Variants in DRC8 observed in about 807,000 individuals in gnomAD.
The protein encoded by DRC8 is dynein regulatory complex subunit 8.
the DRC8 span, among the ~76,000 whole-genome samples, chr1:245,072,328 C>T: frequency 6.6e-6 from 1 of 152,064 alleles, no homozygotes; most frequent in African/African-American, 2.4e-5. Context: ...ACTCTGTCAC[C>T]CAGGCTGGAG....
chr1:244,972,524 A>G, the DRC8 span, among the ~76,000 whole-genome samples: 2 of 152,198 alleles, frequency 1.3e-5, no homozygotes, highest in East Asian at 1.9e-4. Context: ...TTGTATGTAC[A>G]TTAACTTTCG....
chr1:245,066,763 C>T, the DRC8 span, among the ~76,000 whole-genome samples: 6 of 151,944 alleles, frequency 3.9e-5, no homozygotes, highest in South Asian at 2.1e-4. Flanking sequence ...AAAAATTAGC[C>T]GGGCTTGGTG....
At chr1:245,023,941 G>A in the DRC8 span, among the ~76,000 whole-genome samples, 7 of 152,072 alleles carry the variant, frequency 4.6e-5, no homozygotes, top group Non-Finnish European at 8.8e-5. Flanking sequence ...AGGCCGAGGT[G>A]GGCAGATCAC....
chr1:244,986,385 T>G, the DRC8 span, among the ~76,000 whole-genome samples: 1 of 151,908 alleles, frequency 6.6e-6, no homozygotes, highest in Non-Finnish European at 1.5e-5. Flanking sequence ...ATTAGAGGAG[T>G]TGCACGAGGC....
chr1:244,990,423 C>T, the DRC8 span, among the ~76,000 whole-genome samples: 5 of 152,148 alleles, frequency 3.3e-5, no homozygotes, highest in Non-Finnish European at 5.9e-5. Context: ...GTTTTAGGCA[C>T]CCACTGCAGG....
the DRC8 span, among the ~76,000 whole-genome samples, chr1:245,065,665 C>G: frequency 6.6e-6 from 1 of 152,054 alleles, no homozygotes; most frequent in Non-Finnish European, 1.5e-5. Flanking sequence ...GTCTGATAAA[C>G]CTTGGCTGTC....
At chr1:245,114,185 C>T in the DRC8 span, among the ~76,000 whole-genome samples, 1 of 152,140 alleles carries the variant, frequency 6.6e-6, no homozygotes, top group Admixed American at 6.5e-5. Flanking sequence ...TCTGCCTGGG[C>T]CGGGTGTGGT....
chr1:245,061,181 C>T, the DRC8 span, among the ~76,000 whole-genome samples: 10 of 152,174 alleles, frequency 6.6e-5, no homozygotes, highest in Admixed American at 1.3e-4. Context: ...TTCAAAGCTT[C>T]GTTTCACATC....
At chr1:244,971,362 C>T in the DRC8 span, among the ~76,000 whole-genome samples, 2 of 152,194 alleles carry the variant, frequency 1.3e-5, no homozygotes, top group Non-Finnish European at 2.9e-5. Flanking sequence ...GACTGCGCTT[C>T]GAGGCTTAAG....
chr1:245,090,868 A>G, the DRC8 span, among the ~76,000 whole-genome samples: 1 of 152,098 alleles, frequency 6.6e-6, no homozygotes, highest in Non-Finnish European at 1.5e-5. Context: ...TCCAGTTTAG[A>G]TGATTAATAT....
At chr1:245,074,050 C>T in the DRC8 span, among the ~76,000 whole-genome samples, 4 of 152,132 alleles carry the variant, frequency 2.6e-5, no homozygotes, top group Admixed American at 6.5e-5. Context: ...TTTAAATTAA[C>T]GTCGTTACAT....
the DRC8 span, among the ~76,000 whole-genome samples, chr1:245,022,713 G>C: frequency 6.6e-6 from 1 of 151,996 alleles, no homozygotes; most frequent in Non-Finnish European, 1.5e-5. Context: ...ATGTGCATGT[G>C]CGTGTGCGTG....
the DRC8 span, among the ~76,000 whole-genome samples, chr1:245,009,470 A>AT: frequency 0.74 from 102,727 of 139,662 alleles, 37,575 homozygotes; most frequent in East Asian, 0.98. Context: ...AATCCAAACG[A>AT]TTTTTTTTTT....
the DRC8 span, among the ~76,000 whole-genome samples, chr1:245,111,751 T>G: frequency 1.3e-5 from 2 of 152,080 alleles, no homozygotes; most frequent in African/African-American, 4.8e-5. Context: ...ATCAGATAAC[T>G]GGGGTGGGAC....
chr1:245,103,948 C>T, the DRC8 span, among the ~76,000 whole-genome samples: 1 of 152,140 alleles, frequency 6.6e-6, no homozygotes, highest in African/African-American at 2.4e-5. Flanking sequence ...AGGGATAAGA[C>T]AGAGTAAAAA....
chr1:245,015,990 T>TTTTTA, the DRC8 span, among the ~76,000 whole-genome samples: 1 of 144,608 alleles, frequency 6.9e-6, no homozygotes, highest in African/African-American at 2.6e-5. Flanking sequence ...TTTTTTTTTT[T>TTTTTA]GAGATGGAGT....
chr1:245,068,268 A>G, the DRC8 span, among the ~76,000 whole-genome samples: 1 of 152,226 alleles, frequency 6.6e-6, no homozygotes, highest in Non-Finnish European at 1.5e-5. Context: ...GTTTTATTCC[A>G]GATTTCTTAT....
At chr1:245,000,517 C>T in the DRC8 span, among the ~76,000 whole-genome samples, 15 of 151,980 alleles carry the variant, frequency 9.9e-5, 1 homozygote, top group Non-Finnish European at 1.8e-4. Context: ...CACGGTGGTT[C>T]AAGCCTGTAA....
the DRC8 span, among the ~76,000 whole-genome samples, chr1:245,040,427 T>C: frequency 7.2e-5 from 11 of 152,316 alleles, no homozygotes; most frequent in Admixed American, 2.0e-4. Flanking sequence ...CAAAAAGTGC[T>C]GAGAGACAAG....
Sources: allele counts gnomAD v4.1 joint callset (sites outside exome capture counted in the v4.1 genomes callset), GRCh38; gene constraint gnomAD v4.1.1; transcripts MANE v1.5; gene names NCBI Gene and HGNC (gene_info 2026-07-23, HGNC 2026-07-21).